UGT2A3: variants seen among roughly 807,000 people sequenced by gnomAD.
UGT2A3 encodes UDP glucuronosyltransferase family 2 member A3.
A neutral mutation model predicts 44.1 loss-of-function variants in UGT2A3; 55 were observed. That is an observed-to-expected ratio of 1.25 (90% CI 1.00 to 1.56). The LOEUF (loss-of-function observed/expected upper bound fraction) is 1.56. UGT2A3 is among the 40% of genes most tolerant of loss of function. The pLI is 0.00. For missense variants in UGT2A3, 733 were observed against 621.6 expected (o/e 1.18, Z -1.91); for synonymous variants, 243 against 215.1 (o/e 1.13, Z -1.13).
intron 5 of UGT2A3, among the ~76,000 whole-genome samples, 193 bp downstream of exon 5, chr4:68,930,353 A>G (rs896171620): frequency 6.6e-6 from 1 of 152,074 alleles, no homozygotes. Flanking sequence ...CTTAAACCTA[A>G]TATTTCCATG....
At chr4:68,945,568 A>G in intron 1 of UGT2A3, 114 bp from the exon 2 acceptor site, 1 of 700,416 alleles carries the variant, frequency 1.4e-6, no homozygotes, top group South Asian at 3.5e-5. Context: ...CTAGAACAAC[A>G]TGGCTTTTAG....
At chr4:68,940,351 T>C (rs557574428) in intron 2 of UGT2A3, among the ~76,000 whole-genome samples, 110 of 152,216 alleles carry the variant, frequency 7.2e-4, no homozygotes, top group African/African-American at 2.6e-3. Context: ...ATATACACCA[T>C]GGAATACTAT....
intron 2 of UGT2A3, among the ~76,000 whole-genome samples, chr4:68,940,068 G>A (rs1718128763): frequency 6.6e-6 from 1 of 152,134 alleles, no homozygotes; most frequent in Non-Finnish European, 1.5e-5. Context: ...GAGAGGATGT[G>A]GGGAAATAGG....
chr4:68,946,055 C>A lies in UGT2A3; in HGVS notation c.716-601G>T, dbSNP rs115756225. ...TTCCTTTACTGATTCTTACCCATGA[C>A]AATATTCTTTTTGGGTTGTGAAGCA... On this transcript the variant is annotated intron_variant, in intron 1 of 5. Coordinates refer to ENST00000251566, the MANE Select transcript of UGT2A3 (RefSeq NM_024743.4). 5.4e-3 allele frequency among the ~76,000 whole-genome samples: 825 copies of A among 151,564 alleles called. 10 individuals are homozygous for A. Among genetic ancestry groups the A allele is most frequent in the African/African-American group, 0.019 (787 of 41,432 alleles).
intron 2 of UGT2A3, chr4:68,943,251 G>T (rs1413477238): frequency 3.0e-6 from 3 of 1,010,338 alleles, no homozygotes; most frequent in Non-Finnish European, 3.9e-6. Flanking sequence ...GGGAGTGTGG[G>T]AATAAAGGGT....
At chr4:68,935,084 A>G (rs1717883489) in intron 2 of UGT2A3, among the ~76,000 whole-genome samples, 1 of 151,574 alleles carries the variant, frequency 6.6e-6, no homozygotes, top group Admixed American at 6.6e-5. Flanking sequence ...ATAAAGTCTC[A>G]TTAAAAAAGC....
In UGT2A3 at chr4:68,946,577, A is replaced by G. The variant is rs930624571; in HGVS notation, c.716-1123T>C. On this transcript the variant is annotated intron_variant, in intron 1 of 5. Transcript: ENST00000251566. ...CAACTTGTAGGTGATTTTAATTACTATGATATTAGGACTCATTTAAGAAAG... is the reference window on the plus strand; with the variant it reads ...CAACTTGTAGGTGATTTTAATTACTGTGATATTAGGACTCATTTAAGAAAG... Among the ~76,000 whole-genome samples, 6 of 151,682 alleles carry G rather than the reference A, an allele frequency of 4.0e-5. No individual in the cohort carries two copies. The South Asian group carries it at 1.2e-3, about 31-fold the overall frequency.
chr4:68,950,327 A>G (rs1718534294), intron 1 of UGT2A3, among the ~76,000 whole-genome samples: 1 of 151,942 alleles, frequency 6.6e-6, no homozygotes, highest in South Asian at 2.1e-4. Flanking sequence ...GGAATACATT[A>G]AACAATATTT....
Position 68,929,828 on chromosome 4 carries a change from T to C in UGT2A3, c.1569A>G (p.Ile523Met), listed in dbSNP as rs781398527. ...SCQKFNKTRK[I>M]EKRE ...TTGGAAAGATCTATTCCCTCTTTTC[T>C]ATCTTTCTAGTTTTATTAAATTTTT... The change falls in exon 6 of 6, where the codon ATA (isoleucine) becomes ATG (methionine). Residue 523 changes from isoleucine to methionine, a missense_variant. Physicochemically the swap from Ile to Met is conservative, Grantham distance 10 (BLOSUM62 1). Transcript: ENST00000251566. 2 of 1,597,750 alleles carry C rather than the reference T, an allele frequency of 1.3e-6. No individual in the cohort carries two copies. The highest frequency in any genetic ancestry group is 1.7e-6 in the Non-Finnish European group (2 of 1,170,252).
rs754641965 is a variant in UGT2A3 at position 68,951,328 on chromosome 4, C to T, written c.433G>A (p.Val145Ile). The T allele has an allele frequency of 3.9e-5, 63 of 1,612,592 alleles. No individual in the cohort carries two copies. In the South Asian group the frequency reaches 6.7e-4, roughly 17 times the overall value. Residue 145 changes from valine (V) to isoleucine (I), a missense_variant, in exon 1 of 6, where the codon GTA becomes ATA. Physicochemically the swap from Val to Ile is conservative, Grantham distance 29. Coordinates refer to ENST00000251566, the MANE Select transcript of UGT2A3 (RefSeq NM_024743.4). ...GGAATCACAGGGTCTATAAGCATTA[C>T]ATCGTAGTTGGTTTCCTGTAGCTTC... ...MKKLQETNYD[V>I]MLIDPVIPCG...
chr4:68,936,888 CAAAAAAAAA>C (rs56737078), intron 2 of UGT2A3, among the ~76,000 whole-genome samples: 2 of 46,336 alleles, frequency 4.3e-5, no homozygotes, highest in Non-Finnish European at 7.4e-5. Context: ...AAATGGAAAG[CAAAAAAAAA>C]AAAAAAAAAA....
chr4:68,936,399 C>T (rs932685648), intron 2 of UGT2A3, among the ~76,000 whole-genome samples: 2 of 151,948 alleles, frequency 1.3e-5, no homozygotes, highest in South Asian at 2.1e-4. Flanking sequence ...AGAGTGGGGG[C>T]CAATATTCAA....
Position 68,931,208 on chromosome 4 carries a change from G to T in UGT2A3, c.1031C>A (p.Thr344Lys). The change falls in exon 4 of 6, where the codon ACA (threonine) becomes AAA (lysine). Residue 344 changes from threonine (T) to lysine (K), a missense_variant. Thr to Lys is a moderately conservative substitution (Grantham distance 78). Transcript: ENST00000251566. ...ATACAGCCGAGTATTGGCTCCTAAT[G>T]TGGATGGTTTTTTTCCTTTGTACCT... Reference protein sequence around the residue: ...LWRYKGKKPSTLGANTRLYDW... With the variant: ...LWRYKGKKPSKLGANTRLYDW... 6.2e-7 allele frequency: 1 copy of T among 1,612,944 alleles called. No individual in the cohort carries two copies.
chr4:68,934,455 A>T (rs1245715023), intron 2 of UGT2A3, among the ~76,000 whole-genome samples: 1 of 152,082 alleles, frequency 6.6e-6, no homozygotes, highest in African/African-American at 2.4e-5. Flanking sequence ...CTATATGGAA[A>T]ATCAGCAAAA....
In UGT2A3 at chr4:68,931,181, T is replaced by C; in HGVS notation, c.1058A>G (p.Asp353Gly). Residue 353 changes from aspartate (D) to glycine (G), a missense_variant, in exon 4 of 6, where the codon GAT (aspartate) becomes GGT (glycine). Physicochemically the swap from Asp to Gly is moderately conservative, Grantham distance 94. Transcript: ENST00000251566. The stretch of plus-strand genomic sequence containing the variant: ...AAGAAGATCATTCTGGGGTATCCAA[T>C]CATACAGCCGAGTATTGGCTCCTAA... Reference protein sequence around the residue: ...STLGANTRLYDWIPQNDLLGH... With the variant: ...STLGANTRLYGWIPQNDLLGH... The C allele has an allele frequency of 1.2e-6, 2 of 1,613,040 alleles. No individual in the cohort carries two copies. Among genetic ancestry groups the C allele is most frequent in the Non-Finnish European group, 1.7e-6 (2 of 1,179,340 alleles).
intron 2 of UGT2A3, among the ~76,000 whole-genome samples, chr4:68,933,713 A>T (rs1011132422): frequency 6.6e-6 from 1 of 152,090 alleles, no homozygotes; most frequent in Non-Finnish European, 1.5e-5. Flanking sequence ...CTATCAGGTT[A>T]GTAACTAAGT....
intron 2 of UGT2A3, among the ~76,000 whole-genome samples, chr4:68,942,068 T>G (rs1472005310): frequency 6.6e-6 from 1 of 151,786 alleles, no homozygotes; most frequent in Non-Finnish European, 1.5e-5. Context: ...GAAAACGGTA[T>G]GGTAGTTCCT....
intron 2 of UGT2A3, among the ~76,000 whole-genome samples, chr4:68,939,079 C>T (rs1258078790): frequency 6.6e-6 from 1 of 152,148 alleles, no homozygotes; most frequent in African/African-American, 2.4e-5. Context: ...ACATTCCATG[C>T]TCATGGATAG....
At chr4:68,930,188 G>A in intron 5 of UGT2A3, 96 bp from the exon 6 acceptor site, 2 of 1,319,576 alleles carry the variant, frequency 1.5e-6, no homozygotes, top group Non-Finnish European at 2.1e-6. Flanking sequence ...TGCAAGCCAA[G>A]AACATGTTCA....
Sources: gnomAD v4.1 joint callset for allele counts (sites outside exome capture counted in the v4.1 genomes callset) on GRCh38, gnomAD v4.1.1 for gene constraint, MANE v1.5 for transcripts, NCBI Gene and HGNC (gene_info 2026-07-23, HGNC 2026-07-21) for gene names.